PTPRN2: variants seen among roughly 807,000 people sequenced by gnomAD.
PTPRN2 encodes protein tyrosine phosphatase receptor type N2, also known as receptor-type tyrosine-protein phosphatase N2.
PTPRN2 carries 74 observed loss-of-function variants against 118.8 expected under a neutral mutation model. The ratio of observed to expected loss-of-function variants is 0.62; its 90% confidence interval spans 0.52 to 0.76. The LOEUF is 0.76. Ranked by LOEUF, PTPRN2 falls within the 30% of genes least tolerant of loss-of-function variation. The probability of loss-of-function intolerance (pLI) is 0.00; values close to 1 mark genes in which losing one functional copy is unlikely to be tolerated. For missense variants in PTPRN2, 1,481 were observed against 1,394.4 expected, an observed-to-expected ratio of 1.06 and a Z score of -0.99; for synonymous variants, 641 against 608.0, an observed-to-expected ratio of 1.05 and a Z score of -0.80.
intron 1 of PTPRN2, among the ~76,000 whole-genome samples, chr7:158,510,707 G>A (rs939092663): frequency 1.3e-5 from 2 of 152,206 alleles, no homozygotes; most frequent in African/African-American, 4.8e-5. Flanking sequence ...AAACAGCCAT[G>A]TTCTTTAAAA....
At chr7:157,736,643 C>G (rs1363909300) in intron 12 of PTPRN2, among the ~76,000 whole-genome samples, 4 of 152,054 alleles carry the variant, frequency 2.6e-5, no homozygotes, top group African/African-American at 9.7e-5. Flanking sequence ...GTCCTGGGCA[C>G]GGCCACCCGT....
At chr7:158,122,379 G>T (rs1294275314) in intron 9 of PTPRN2, among the ~76,000 whole-genome samples, 1 of 152,180 alleles carries the variant, frequency 6.6e-6, no homozygotes, top group African/African-American at 2.4e-5. Context: ...GGGAGGCTCA[G>T]AGTAAGAAGT....
Position 157,729,068 on chromosome 7 carries a change from G to C in PTPRN2, c.1789-46131C>G, listed in dbSNP as rs181119307. On this transcript the variant is annotated intron_variant, in intron 12 of 22. Coordinates refer to ENST00000389418, the MANE Select transcript of PTPRN2 (RefSeq NM_002847.5). This position sits in a 1 kb window ranked among gnomAD's most constrained non-coding sequence, Gnocchi z 4.3. ...GACAATGGGAATCTGGGCTGATACC[G>C]GGCCTTTGAAAATAGTCGGGGAGGA... Among the ~76,000 whole-genome samples, 2 of 152,240 alleles carry C rather than the reference G, an allele frequency of 1.3e-5. No homozygotes were observed. The highest frequency in any genetic ancestry group is 2.4e-5 in the African/African-American group (1 of 41,538).
At chr7:158,144,681 G>A (rs1173180419) in intron 6 of PTPRN2, among the ~76,000 whole-genome samples, 1 of 152,168 alleles carries the variant, frequency 6.6e-6, no homozygotes, top group Non-Finnish European at 1.5e-5. Flanking sequence ...GGCATCCCGG[G>A]GTGGAGCGCT....
intron 12 of PTPRN2, among the ~76,000 whole-genome samples, chr7:157,891,123 G>C (rs564050265): frequency 2.6e-5 from 4 of 152,306 alleles, no homozygotes; most frequent in Admixed American, 2.0e-4. Context: ...CAGGAAATCT[G>C]CATCTTGACA....
intron 10 of PTPRN2, among the ~76,000 whole-genome samples, chr7:158,091,969 G>C (rs1232559105): frequency 3.6e-5 from 5 of 137,592 alleles, no homozygotes; most frequent in Non-Finnish European, 4.8e-5. Context: ...TGGATGGGTA[G>C]AGAGATGGTT....
At chr7:158,532,951 G>C (rs942890160) in intron 1 of PTPRN2, 4 of 363,914 alleles carry the variant, frequency 1.1e-5, no homozygotes, top group Non-Finnish European at 1.7e-5. Flanking sequence ...CCAAGCCAGG[G>C]ACAAGGCCTC....
In PTPRN2 at chr7:157,568,796, G is replaced by A. The variant is rs1799613850; in HGVS notation, c.2902+106C>T. 9 of 1,175,980 alleles carry A rather than the reference G, an allele frequency of 7.7e-6. No homozygotes were observed. The Admixed American group carries it at 1.6e-4, about 20-fold the overall frequency. The allele number at this position is 1,175,980 out of a possible 1,614,324, so 72.8% of individuals were successfully genotyped here. A position where few individuals can be genotyped will look rare whatever the true frequency, so the allele number is the denominator to read the frequency against. ...CTACGGCCCAGCAGAGGCACAACAAGCAGCGAATTTTTTCCAGGGCCTCCC... is the reference window on the plus strand; with the variant it reads ...CTACGGCCCAGCAGAGGCACAACAAACAGCGAATTTTTTCCAGGGCCTCCC... On this transcript the variant is annotated intron_variant, in intron 21 of 22. Transcript: ENST00000389418.
At chr7:158,068,029 G>T (rs1483469896) in intron 11 of PTPRN2, among the ~76,000 whole-genome samples, 3 of 152,198 alleles carry the variant, frequency 2.0e-5, no homozygotes, top group Admixed American at 2.0e-4. Flanking sequence ...GCAGGACCGG[G>T]TATGGGGAAA....
intron 2 of PTPRN2, among the ~76,000 whole-genome samples, chr7:158,336,742 C>G (rs1217706924): frequency 0.058 from 4,236 of 73,576 alleles, 520 homozygotes; most frequent in South Asian, 0.11. Context: ...CGCCCGCAGA[C>G]GTCACTCACA....
intron 2 of PTPRN2, among the ~76,000 whole-genome samples, chr7:158,346,313 C>T (rs750698283): frequency 6.6e-6 from 1 of 152,142 alleles, no homozygotes; most frequent in African/African-American, 2.4e-5. Context: ...TGGCCTCTGG[C>T]GACCTCAGTT....
At chr7:158,399,872 C>T (rs1293954942) in intron 2 of PTPRN2, among the ~76,000 whole-genome samples, 1 of 152,160 alleles carries the variant, frequency 6.6e-6, no homozygotes, top group East Asian at 1.9e-4. Context: ...TCAGTTGGAG[C>T]TCTCCCAGCA....
chr7:157,789,857 G>A (rs936787139), intron 12 of PTPRN2, among the ~76,000 whole-genome samples: 8 of 150,312 alleles, frequency 5.3e-5, no homozygotes, highest in South Asian at 2.1e-4. Flanking sequence ...GGTGTGATGT[G>A]TATGTGGTGT....
At chr7:158,485,825 T>C (rs1820978472) in intron 2 of PTPRN2, among the ~76,000 whole-genome samples, 3 of 152,184 alleles carry the variant, frequency 2.0e-5, no homozygotes, top group Admixed American at 2.0e-4. Flanking sequence ...GTGTGGTGTA[T>C]TTCTTTGAGC....
intron 3 of PTPRN2, among the ~76,000 whole-genome samples, chr7:158,298,066 G>A (rs1214407451): frequency 2.0e-5 from 3 of 152,134 alleles, no homozygotes; most frequent in South Asian, 4.2e-4. Flanking sequence ...TTTACCTATG[G>A]TGGAATTCCC....
chr7:157,907,689 C>T (rs970570138), intron 11 of PTPRN2, among the ~76,000 whole-genome samples: 1 of 149,784 alleles, frequency 6.7e-6, no homozygotes, highest in Non-Finnish European at 1.5e-5. Flanking sequence ...ATCTCCCTGT[C>T]CCTTGCGTGT....
At chr7:158,164,486 C>G (rs1295780131) in intron 6 of PTPRN2, among the ~76,000 whole-genome samples, 1 of 148,642 alleles carries the variant, frequency 6.7e-6, no homozygotes, top group African/African-American at 2.5e-5. Flanking sequence ...AGGAAGGGCT[C>G]GCAGAGCGGG....
intron 11 of PTPRN2, among the ~76,000 whole-genome samples, chr7:157,940,903 ACACCCCCC>A (rs1179531700): frequency 2.2e-4 from 8 of 35,806 alleles, no homozygotes; most frequent in Admixed American, 4.8e-4. Context: ...TGCAAATCTA[ACACCCCCC>A]CGTGACACTG....
intron 2 of PTPRN2, among the ~76,000 whole-genome samples, chr7:158,325,380 A>G (rs1803413271): frequency 6.6e-6 from 1 of 150,744 alleles, no homozygotes; most frequent in African/African-American, 2.4e-5. Flanking sequence ...TTTTTTTAAC[A>G]TTTCTTATTT....
Sources: allele counts gnomAD v4.1 joint callset (sites outside exome capture counted in the v4.1 genomes callset), GRCh38; gene constraint gnomAD v4.1.1; non-coding constraint Gnocchi (gnomAD v3.1); transcripts MANE v1.5; gene names NCBI Gene and HGNC (gene_info 2026-07-23, HGNC 2026-07-21).